Variants in OPHN1 observed in about 807,000 individuals in gnomAD.
OPHN1 encodes oligophrenin 1, also known as oligophrenin-1.
In OPHN1, 11 loss-of-function variants were observed where a neutral mutation model predicts 60.7. The observed-to-expected ratio is 0.18, with a 90% confidence interval of 0.11 to 0.30. The LOEUF (loss-of-function observed/expected upper bound fraction) is 0.30. Among genes scored for constraint, OPHN1 ranks in the 10% least tolerant of loss-of-function variants. The pLI, the probability that OPHN1 is intolerant of heterozygous loss-of-function variation, is 1.00. For missense variants in OPHN1, 449 were observed against 611.0 expected, an observed-to-expected ratio of 0.73 and a Z score of 2.80; for synonymous variants, 226 against 222.6, an observed-to-expected ratio of 1.02 and a Z score of -0.14.
intron 2 of OPHN1, among the ~76,000 whole-genome samples, chrX:68,369,064 C>T (rs1424283911): frequency 2.7e-5 from 3 of 110,746 alleles, no homozygotes; most frequent in African/African-American, 9.9e-5. Context: ...AAAAATTAGC[C>T]AGGCATGGTA....
At chrX:68,418,063 A>C (rs1334154777) in intron 2 of OPHN1, among the ~76,000 whole-genome samples, 1 of 112,627 alleles carries the variant, frequency 8.9e-6, no homozygotes, top group Non-Finnish European at 1.9e-5. Flanking sequence ...ATATTGCCAG[A>C]GGAGCAGAAG....
intron 2 of OPHN1, among the ~76,000 whole-genome samples, chrX:68,424,195 TAA>T (rs5902627): frequency 2.0e-4 from 21 of 106,255 alleles, no homozygotes; most frequent in East Asian, 3.0e-4. Context: ...AAAATAAAAA[TAA>T]AAAAAAAATC....
chrX:68,085,861 G>GA (rs1397642598), intron 19 of OPHN1, among the ~76,000 whole-genome samples: 1 of 111,742 alleles, frequency 8.9e-6, no homozygotes, highest in African/African-American at 3.3e-5. Context: ...TCTGAGAATG[G>GA]AATAACAACC....
intron 2 of OPHN1, among the ~76,000 whole-genome samples, chrX:68,307,280 C>CA (rs1170857593): frequency 2.0e-4 from 19 of 95,984 alleles, no homozygotes; most frequent in East Asian, 1.5e-3. Context: ...CTGTCTCTAC[C>CA]AAAAAAAAAA....
chrX:68,173,848 A>G (rs1170720665), intron 15 of OPHN1, among the ~76,000 whole-genome samples: 2 of 111,425 alleles, frequency 1.8e-5, no homozygotes, highest in Non-Finnish European at 3.8e-5. Context: ...CCAAAACAGG[A>G]GAGCATATAC....
At chrX:68,350,482 CCCTT>C (rs1269013034) in intron 2 of OPHN1, among the ~76,000 whole-genome samples, 4 of 78,559 alleles carry the variant, frequency 5.1e-5, no homozygotes, top group Non-Finnish European at 7.0e-5. Flanking sequence ...CTCCCTCCCT[CCCTT>C]CCTCCCTTCC....
At chrX:68,169,374 T>C (rs1188188697) in intron 15 of OPHN1, among the ~76,000 whole-genome samples, 3 of 110,967 alleles carry the variant, frequency 2.7e-5, no homozygotes, top group African/African-American at 9.9e-5. Flanking sequence ...TTTATAGATT[T>C]AATGCCATCC....
intron 2 of OPHN1, among the ~76,000 whole-genome samples, chrX:68,305,998 T>C (rs1182968103): frequency 9.0e-6 from 1 of 111,663 alleles, no homozygotes; most frequent in Non-Finnish European, 1.9e-5. Flanking sequence ...AGAGAAAATA[T>C]CAATAAAACA....
At chrX:68,354,376 G>A (rs1378088801) in intron 2 of OPHN1, among the ~76,000 whole-genome samples, 2 of 98,208 alleles carry the variant, frequency 2.0e-5, no homozygotes, top group African/African-American at 3.8e-5. Flanking sequence ...CTTGAACCCA[G>A]GAGGCAGAGA....
chrX:68,293,596 T>G (rs1287472957), intron 3 of OPHN1, among the ~76,000 whole-genome samples: 1 of 112,016 alleles, frequency 8.9e-6, no homozygotes, highest in Non-Finnish European at 1.9e-5. Context: ...TGGGTGACAT[T>G]TTCTGGAAAA....
At chrX:68,259,040 ATTCTAT>A (rs1215173054) in intron 5 of OPHN1, among the ~76,000 whole-genome samples, 1 of 112,031 alleles carries the variant, frequency 8.9e-6, no homozygotes, top group African/African-American at 3.3e-5. Flanking sequence ...CAACATAGAA[ATTCTAT>A]TTCTAAGTAT....
rs1204651168 is a variant in OPHN1, at chrX:68,096,777, C to T, written c.1686+93G>A. ...TAATGGGATTTCCTTTCACTGTCAA[C>T]GTGAGCCAAGGAGGAAGACACAGCA... On this transcript the variant is annotated intron_variant, in intron 19 of 24. Coordinates refer to ENST00000355520, the MANE Select transcript of OPHN1 (RefSeq NM_002547.3). 22 of 910,410 alleles carry T rather than the reference C, an allele frequency of 2.4e-5. No individual in the cohort carries two copies. The South Asian group carries it at 4.0e-4, about 16-fold the overall frequency. 75.0% of individuals were successfully genotyped at this position (910,410 alleles called of 1,213,427 possible). A position where few individuals can be genotyped will look rare whatever the true frequency, so the allele number is the denominator to read the frequency against.
chrX:68,123,873 T>C (rs1176447649), intron 15 of OPHN1, among the ~76,000 whole-genome samples: 1 of 108,689 alleles, frequency 9.2e-6, no homozygotes, highest in African/African-American at 3.4e-5. Context: ...TGGGACGGAG[T>C]AAATCATTAC....
At chrX:68,164,482 T>C (rs1169444656) in intron 15 of OPHN1, among the ~76,000 whole-genome samples, 1 of 112,141 alleles carries the variant, frequency 8.9e-6, no homozygotes, top group Non-Finnish European at 1.9e-5. Context: ...TGAGCAGTAA[T>C]GTTTTGATAG....
chrX:68,205,675 T>C (rs1161533754), intron 10 of OPHN1, among the ~76,000 whole-genome samples: 2 of 111,368 alleles, frequency 1.8e-5, no homozygotes, highest in African/African-American at 6.5e-5. Context: ...ACAAGAGAGA[T>C]CTTCCATGAA....
intron 15 of OPHN1, among the ~76,000 whole-genome samples, chrX:68,190,077 A>G (rs757504956): frequency 6.5e-4 from 73 of 111,695 alleles, no homozygotes; most frequent in African/African-American, 2.1e-3. Flanking sequence ...AGCCAAGGCA[A>G]CAAGCCCCTA....
intron 19 of OPHN1, among the ~76,000 whole-genome samples, chrX:68,088,362 G>A (rs184963618): frequency 1.8e-5 from 2 of 111,764 alleles, no homozygotes; most frequent in East Asian, 2.8e-4. Flanking sequence ...GATAAAGTCA[G>A]ATCCTGTTAA....
intron 15 of OPHN1, among the ~76,000 whole-genome samples, chrX:68,163,117 G>T (rs865835113): frequency 9.0e-6 from 1 of 110,648 alleles, no homozygotes; most frequent in Non-Finnish European, 1.9e-5. Flanking sequence ...TCATAAAAAA[G>T]AATAAAAATT....
At chrX:68,295,888 T>C (rs1446466596) in intron 3 of OPHN1, among the ~76,000 whole-genome samples, 1 of 112,040 alleles carries the variant, frequency 8.9e-6, no homozygotes, top group Non-Finnish European at 1.9e-5. Context: ...CCTCTGCACA[T>C]ATAATGTGAA....
Sources: allele counts gnomAD v4.1 joint callset (sites outside exome capture counted in the v4.1 genomes callset), GRCh38; gene constraint gnomAD v4.1.1; transcripts MANE v1.5; gene names NCBI Gene and HGNC (gene_info 2026-07-23, HGNC 2026-07-21).